The following NETO1 variants were observed in gnomAD, a reference collection of about 807,000 sequenced individuals.
The protein encoded by NETO1 is neuropilin and tolloid-like protein 1.
NETO1 carries 26 observed loss-of-function variants against 61.3 expected under a neutral mutation model. The ratio of observed to expected loss-of-function variants is 0.42; its 90% CI spans 0.31 to 0.59. The LOEUF (loss-of-function observed/expected upper bound fraction) is 0.59. Among genes scored for constraint, NETO1 ranks in the 20% least tolerant of loss-of-function variants. The pLI, the probability that NETO1 is intolerant of heterozygous loss-of-function variation, is 0.12. For missense variants in NETO1, 531 were observed against 662.8 expected, an observed-to-expected ratio of 0.80 and a Z score of 2.18; for synonymous variants, 225 against 225.8, an observed-to-expected ratio of 1.00 and a Z score of 0.03.
chr18:72,817,388 GC>G (rs1210245871), intron 4 of NETO1, among the ~76,000 whole-genome samples: 1 of 152,178 alleles, frequency 6.6e-6, no homozygotes, highest in African/African-American at 2.4e-5. Context: ...GAGAGCATCG[GC>G]CCCGCAGCCA....
Position 72,865,127 on chromosome 18 carries a change from A to G in NETO1, c.82+61T>C, listed in dbSNP as rs145678847. 3,370 of 1,518,714 alleles carry G rather than the reference A, an allele frequency of 2.2e-3. 74 individuals carry two copies. In the African/African-American group the frequency reaches 0.04, roughly 18 times the overall value. The allele number at this position is 1,518,714 out of a possible 1,614,324, so 94.1% of individuals were successfully genotyped here. ...ATTCTGGAATATTAACAGTAGGAGG[A>G]AAATAGGAAAATACAAAATAATTCG... On this transcript the variant is annotated intron_variant, in intron 2 of 10. Coordinates refer to ENST00000327305, the MANE Select transcript of NETO1 (RefSeq NM_138966.5).
intron 4 of NETO1, among the ~76,000 whole-genome samples, chr18:72,812,944 TAATAAAAGATATTG>T (rs1260806595): frequency 6.6e-6 from 1 of 152,194 alleles, no homozygotes; most frequent in Admixed American, 6.5e-5. Context: ...TACTTTAAAG[TAATAAAAGATATTG>T]ATTATATAGT....
chr18:72,821,143 G>A (rs183381427), intron 4 of NETO1, among the ~76,000 whole-genome samples: 349 of 149,986 alleles, frequency 2.3e-3, no homozygotes, highest in African/African-American at 7.8e-3. Flanking sequence ...GCCTCCCCTG[G>A]CTGACAAATT....
At chr18:72,839,646 T>A (rs917234329) in intron 4 of NETO1, among the ~76,000 whole-genome samples, 3 of 152,120 alleles carry the variant, frequency 2.0e-5, no homozygotes, top group Non-Finnish European at 4.4e-5. Flanking sequence ...AATGCCTATT[T>A]CTTTTAACTG....
chr18:72,748,914 A>C (rs2070496422), intron 10 of NETO1, 100 bp downstream of exon 10: 1 of 782,056 alleles, frequency 1.3e-6, no homozygotes, highest in African/African-American at 1.7e-5. Flanking sequence ...ATATCTCAAG[A>C]AATAATGGAT....
intron 4 of NETO1, chr18:72,834,980 C>T: frequency 1.1e-5 from 9 of 812,268 alleles, no homozygotes; most frequent in Non-Finnish European, 1.2e-5. Flanking sequence ...CACAATATTA[C>T]ATAAAATATA....
intron 4 of NETO1, among the ~76,000 whole-genome samples, chr18:72,809,588 G>A (rs964028635): frequency 2.0e-5 from 3 of 152,228 alleles, no homozygotes; most frequent in East Asian, 1.9e-4. Flanking sequence ...TTCAGATTTC[G>A]AACCTCTTCG....
intron 4 of NETO1, among the ~76,000 whole-genome samples, chr18:72,846,958 T>C (rs889374031): frequency 6.6e-5 from 10 of 152,256 alleles, no homozygotes; most frequent in Non-Finnish European, 1.3e-4. Flanking sequence ...ACGCATTCCT[T>C]TCAGACTGCA....
chr18:72,780,438 T>C (rs1349459484), intron 7 of NETO1, among the ~76,000 whole-genome samples: 1 of 152,200 alleles, frequency 6.6e-6, no homozygotes, highest in Non-Finnish European at 1.5e-5. Context: ...ATATGCAACA[T>C]ATATACAGTT....
At chr18:72,835,258 T>C in intron 4 of NETO1, 2 of 1,548,548 alleles carry the variant, frequency 1.3e-6, no homozygotes, top group Non-Finnish European at 8.8e-7. Context: ...AGAGATGAGA[T>C]GATGGAGAAG....
intron 7 of NETO1, among the ~76,000 whole-genome samples, chr18:72,769,646 C>T (rs1599131344): frequency 6.6e-6 from 1 of 152,200 alleles, no homozygotes; most frequent in Non-Finnish European, 1.5e-5. Context: ...TTAATATCTT[C>T]ATCCCATTGT....
intron 7 of NETO1, among the ~76,000 whole-genome samples, chr18:72,760,676 A>C (rs2145128442): frequency 6.6e-6 from 1 of 152,300 alleles, no homozygotes; most frequent in Middle Eastern, 3.4e-3. Context: ...AAATGGGGAT[A>C]AAGATAATAC....
rs4485458 is a variant in NETO1, at chr18:72,775,332, T to A, written c.868+8346A>T. Among the ~76,000 whole-genome samples, 1,456 of 152,330 alleles carry A rather than the reference T, an allele frequency of 9.6e-3. 32 individuals are homozygous for A. Among genetic ancestry groups the A allele is most frequent in the African/African-American group, 0.033 (1,374 of 41,576 alleles). ...ACTTGCAAGTTAAACGTCTGCTGAA[T>A]TTTTTAGTAAGAACTTCATACCTCC... is the stretch of plus-strand genomic sequence containing the variant. On this transcript the variant is annotated intron_variant, in intron 7 of 10. Coordinates refer to ENST00000327305, the MANE Select transcript of NETO1 (RefSeq NM_138966.5).
At chr18:72,789,233 C>T (rs1203477346) in intron 6 of NETO1, among the ~76,000 whole-genome samples, 1 of 146,204 alleles carries the variant, frequency 6.8e-6, no homozygotes, top group Non-Finnish European at 1.5e-5. Flanking sequence ...CACACACACA[C>T]ACACACACAC....
rs756970301 is a variant in NETO1, at chr18:72,786,385, G to C, written c.640-2479C>G. 2.6e-5 allele frequency among the ~76,000 whole-genome samples: 4 copies of C among 152,202 alleles called. No individual in the cohort carries two copies. In the South Asian group the frequency reaches 6.2e-4, roughly 24 times the overall value. ...AATTTGATGAGAAAGAACAAAATCA[G>C]AGAAATGTGGACAAATGAATCAAAC... On this transcript the variant is annotated intron_variant, in intron 6 of 10. Transcript: ENST00000327305.
At chr18:72,835,941 A>G (rs1175584856) in intron 4 of NETO1, among the ~76,000 whole-genome samples, 1 of 152,252 alleles carries the variant, frequency 6.6e-6, no homozygotes, top group African/African-American at 2.4e-5. Context: ...GAGGGCAACA[A>G]GAAACATGCA....
intron 4 of NETO1, among the ~76,000 whole-genome samples, chr18:72,854,977 T>C (rs2074371459): frequency 6.6e-6 from 1 of 152,232 alleles, no homozygotes; most frequent in South Asian, 2.1e-4. Flanking sequence ...ACATATTTTC[T>C]AGTCATTTGA....
At chr18:72,758,986 T>G (rs2070880576) in intron 7 of NETO1, among the ~76,000 whole-genome samples, 1 of 152,204 alleles carries the variant, frequency 6.6e-6, no homozygotes, top group African/African-American at 2.4e-5. Flanking sequence ...TGTCTGAATC[T>G]CTCTCTCAGA....
intron 7 of NETO1, among the ~76,000 whole-genome samples, chr18:72,759,657 G>A (rs1383719292): frequency 1.3e-5 from 2 of 152,188 alleles, no homozygotes; most frequent in African/African-American, 4.8e-5. Flanking sequence ...GCAGCATGTA[G>A]TGGCTATGGG....
Sources: allele counts gnomAD v4.1 joint callset (sites outside exome capture counted in the v4.1 genomes callset), GRCh38; gene constraint gnomAD v4.1.1; transcripts MANE v1.5; gene names NCBI Gene and HGNC (gene_info 2026-07-23, HGNC 2026-07-21).